The following SH3PXD2B variants were observed in gnomAD, a reference collection of about 807,000 sequenced individuals.
SH3PXD2B encodes SH3 and PX domains 2B.
A neutral mutation model predicts 73.1 loss-of-function variants in SH3PXD2B; 37 were observed. That is an observed-to-expected ratio of 0.51 (90% CI 0.39 to 0.67). The LOEUF (loss-of-function observed/expected upper bound fraction) is 0.67. Ranked by LOEUF, SH3PXD2B falls within the 30% of genes least tolerant of loss-of-function variation. The pLI, the probability that SH3PXD2B is intolerant of heterozygous loss-of-function variation, is 0.00. For missense variants in SH3PXD2B, 1,053 were observed against 1,197.8 expected (o/e 0.88, Z 1.78); for synonymous variants, 457 against 480.5 (o/e 0.95, Z 0.64).
Position 172,338,170 on chromosome 5 carries a change from C to A in SH3PXD2B, c.*199G>T. On this transcript the variant is annotated 3_prime_UTR_variant, in exon 13 of 13. Transcript: ENST00000311601. The surrounding 1 kb of genome is among the most constrained non-coding windows in gnomAD (Gnocchi z 5.1). The stretch of plus-strand genomic sequence containing the variant: ...TGTGGGTTCTGAGCCTCCAGTGATG[C>A]TGTGATAGGAGGGATCAGGCCCAGG... 1 of 1,459,274 alleles carries A rather than the reference C, an allele frequency of 6.9e-7. No homozygotes were observed. 90.4% of individuals were successfully genotyped at this position (1,459,274 alleles called of 1,614,324 possible).
At chr5:172,364,677 C>G (rs1757473755) in intron 6 of SH3PXD2B, among the ~76,000 whole-genome samples, 1 of 150,760 alleles carries the variant, frequency 6.6e-6, no homozygotes, top group Non-Finnish European at 1.5e-5. Flanking sequence ...GCTCCCCGCC[C>G]AAAAAAACCA....
chr5:172,344,588 CAAAAAAAAA>C (rs756550290), intron 12 of SH3PXD2B, among the ~76,000 whole-genome samples: 1 of 25,232 alleles, frequency 4.0e-5, no homozygotes, highest in Non-Finnish European at 6.7e-5. Context: ...GAGGCTCTGT[CAAAAAAAAA>C]AAAAAAAAAA....
intron 10 of SH3PXD2B, among the ~76,000 whole-genome samples, chr5:172,348,261 T>C (rs1757039538): frequency 6.6e-6 from 1 of 152,108 alleles, no homozygotes; most frequent in South Asian, 2.1e-4. Flanking sequence ...TTCTGAGCTG[T>C]GTACACAGTA....
At chr5:172,422,370 A>C in intron 2 of SH3PXD2B, 46 bp downstream of exon 2, 7 of 1,513,186 alleles carry the variant, frequency 4.6e-6, no homozygotes, top group Non-Finnish European at 6.3e-6. Context: ...AAGTCCAATT[A>C]AACTCTTTCC....
Position 172,338,718 on chromosome 5 carries a change from C to T in SH3PXD2B, c.2387G>A (p.Arg796His), listed in dbSNP as rs755644957. Residue 796 changes from arginine (R) to histidine (H), a missense_variant, in exon 13 of 13, where the codon CGT becomes CAT. Around this residue, in one of 2 missense-constraint regions of SH3PXD2B, gnomAD observed 587 missense variants for 590.7 expected, o/e 0.99. Coordinates refer to ENST00000311601, the MANE Select transcript of SH3PXD2B (RefSeq NM_001017995.3). The surrounding 1 kb of genome is among the most constrained non-coding windows in gnomAD (Gnocchi z 5.1). ...GGCTTTTGGAGGGACGAGGAGAGCA[C>T]GGCCTGGGGTGGGAGCTGCCCTGCT... ...HESRAAPTPG[R>H]ALLVPPKAKP... 7.4e-6 allele frequency: 12 copies of T among 1,614,088 alleles called. No homozygotes were observed. Among genetic ancestry groups the T allele is most frequent in the Admixed American group, 5.0e-5 (3 of 60,006 alleles).
chr5:172,436,689 A>G (rs997927053), intron 1 of SH3PXD2B, among the ~76,000 whole-genome samples: 7 of 152,184 alleles, frequency 4.6e-5, no homozygotes, highest in Non-Finnish European at 1.0e-4. Context: ...AAGGGAGCAA[A>G]TATGCTGTCT....
At chr5:172,382,839 G>A (rs1359861697) in intron 4 of SH3PXD2B, among the ~76,000 whole-genome samples, 1 of 151,802 alleles carries the variant, frequency 6.6e-6, no homozygotes, top group African/African-American at 2.4e-5. Flanking sequence ...AGCGATTTTT[G>A]TGCCCTAGTC....
intron 9 of SH3PXD2B, 126 bp from the exon 10 acceptor site, chr5:172,350,715 C>G: frequency 2.2e-6 from 2 of 899,286 alleles, no homozygotes; most frequent in Non-Finnish European, 3.4e-6. Context: ...CTGCCCAGGG[C>G]AAGAGGTTGG....
intron 4 of SH3PXD2B, 36 bp downstream of exon 4, chr5:172,394,527 T>TA: frequency 6.2e-7 from 1 of 1,607,054 alleles, no homozygotes; most frequent in Non-Finnish European, 8.5e-7. Context: ...AGAATACACC[T>TA]ACAGGGAAGA....
At chr5:172,429,839 C>T (rs1759190773) in intron 1 of SH3PXD2B, among the ~76,000 whole-genome samples, 1 of 152,170 alleles carries the variant, frequency 6.6e-6, no homozygotes, top group Non-Finnish European at 1.5e-5. Context: ...TCTAATCCTG[C>T]CATGCCATGC....
intron 3 of SH3PXD2B, among the ~76,000 whole-genome samples, chr5:172,396,124 G>A (rs1334479161): frequency 2.0e-5 from 3 of 150,762 alleles, no homozygotes; most frequent in Non-Finnish European, 4.4e-5. Context: ...AGGCCGAGGT[G>A]GGTGGATCAC....
chr5:172,413,857 G>A (rs1375741494), intron 2 of SH3PXD2B, among the ~76,000 whole-genome samples: 4 of 152,226 alleles, frequency 2.6e-5, no homozygotes, highest in South Asian at 2.1e-4. Context: ...AGAAGATAAT[G>A]TCTGGGAGAA....
intron 1 of SH3PXD2B, among the ~76,000 whole-genome samples, chr5:172,439,696 A>ACACGCGCGCGCGCACACACGCGCGCGCG (rs1260345665): frequency 1.1e-5 from 1 of 91,936 alleles, no homozygotes; most frequent in African/African-American, 4.5e-5. Context: ...GCGCGCGCAC[A>ACACGCGCGCGCGCACACACGCGCGCGCG]CACACACACA....
At chr5:172,361,357 T>G (rs1483544601) in intron 7 of SH3PXD2B, among the ~76,000 whole-genome samples, 4 of 152,206 alleles carry the variant, frequency 2.6e-5, no homozygotes, top group Non-Finnish European at 4.4e-5. Context: ...GAATAATGTA[T>G]CCACGTATTA....
intron 12 of SH3PXD2B, among the ~76,000 whole-genome samples, chr5:172,345,336 GA>G (rs1054923952): frequency 1.3e-5 from 2 of 152,126 alleles, no homozygotes; most frequent in Non-Finnish European, 2.9e-5. Context: ...TCAGGGCCTA[GA>G]AAAGCAGCCG....
intron 5 of SH3PXD2B, among the ~76,000 whole-genome samples, chr5:172,374,951 A>G (rs1438572791): frequency 6.6e-6 from 1 of 152,248 alleles, no homozygotes; most frequent in Non-Finnish European, 1.5e-5. Context: ...GACGAGGAAC[A>G]GAGAGGCTAA....
At chr5:172,439,688 G>GCACACACACACACACACACACACACACA (rs1166130299) in intron 1 of SH3PXD2B, among the ~76,000 whole-genome samples, 1 of 104,172 alleles carries the variant, frequency 9.6e-6, no homozygotes, top group African/African-American at 4.1e-5. Context: ...GCGCGCACGC[G>GCACACACACACACACACACACACACACA]CGCGCACACA....
At chr5:172,410,909 C>T (rs767011964) in intron 2 of SH3PXD2B, among the ~76,000 whole-genome samples, 1 of 152,174 alleles carries the variant, frequency 6.6e-6, no homozygotes. Flanking sequence ...TGAAGTCACA[C>T]AGCTAAGTGG....
At chr5:172,398,718 C>T (rs1758362148) in intron 3 of SH3PXD2B, among the ~76,000 whole-genome samples, 1 of 152,160 alleles carries the variant, frequency 6.6e-6, no homozygotes, top group African/African-American at 2.4e-5. Context: ...TTTTGGGTAA[C>T]ATTAATTATT....
Sources: gnomAD v4.1 joint callset for allele counts (sites outside exome capture counted in the v4.1 genomes callset) on GRCh38, gnomAD v4.1.1 for gene constraint, gnomAD v4.1.1 regional missense constraint, Gnocchi (gnomAD v3.1) non-coding constraint, MANE v1.5 for transcripts, NCBI Gene and HGNC (gene_info 2026-07-23, HGNC 2026-07-21) for gene names.